VWF: variants seen among roughly 807,000 people sequenced by gnomAD.
The protein encoded by VWF is Factor VIII related antigen.
VWF carries 176 observed loss-of-function variants against 308.6 expected under a neutral mutation model. The ratio of observed to expected loss-of-function variants is 0.57; its 90% CI spans 0.50 to 0.65. VWF has a LOEUF of 0.65. VWF is among the 30% of genes least tolerant of loss of function. The probability of loss-of-function intolerance (pLI) is 0.00; values close to 1 mark genes in which losing one functional copy is unlikely to be tolerated. For missense variants in VWF, 3,146 were observed against 3,648.2 expected, an observed-to-expected ratio of 0.86 and a Z score of 3.55; for synonymous variants, 1,385 against 1,443.4, an observed-to-expected ratio of 0.96 and a Z score of 0.92.
At position 6,016,595 on chromosome 12, in the gene VWF, T is replaced by A; in HGVS notation, c.5232A>T (p.Pro1744=). Residue 1744 remains proline, a synonymous_variant, in exon 30 of 52, where the codon CCA becomes CCT. Transcript: ENST00000261405. ...GGGCTTTCTCCGGGACCACGTTCCA[T>A]GGCACGTCAATGGTGGTGATGCTTC... ...QYGSITTIDV[P]WNVVPEKAHL... is the part of the protein sequence containing the mutation. The A allele has an allele frequency of 1.2e-6, 2 of 1,614,198 alleles. No individual in the cohort carries two copies. The highest frequency in any genetic ancestry group is 8.5e-7 in the Non-Finnish European group (1 of 1,180,040).
intron 31 of VWF, among the ~76,000 whole-genome samples, chr12:6,014,121 AG>A (rs990251768): frequency 1.3e-5 from 2 of 152,002 alleles, no homozygotes; most frequent in Non-Finnish European, 2.9e-5. Context: ...TGTCTGAGGG[AG>A]GGACATCCCA....
intron 16 of VWF, among the ~76,000 whole-genome samples, chr12:6,049,944 T>C (rs1337724378): frequency 6.6e-6 from 1 of 152,210 alleles, no homozygotes; most frequent in Non-Finnish European, 1.5e-5. Flanking sequence ...CCCCAAGTTC[T>C]GACTCAGTCC....
chr12:6,019,065 G>T lies in VWF; in HGVS notation c.4353C>A (p.Asp1451Glu), dbSNP rs367638908. The change falls in exon 28 of 52, where the codon GAC (aspartate) becomes GAA (glutamate). Residue 1451 changes from aspartate to glutamate, a missense_variant. By Grantham distance (45) the Asp-to-Glu change is conservative. This residue lies in a region of VWF where 853 missense variants were observed against 1,177.8 expected (regional missense o/e 0.72). Transcript: ENST00000261405. This position sits in a 1 kb window ranked among gnomAD's most constrained non-coding sequence, Gnocchi z 5.8. ...GGTCACAGAGGTAGCTAACGATCTC[G>T]TCCCTTTGCTGCTCCAGCTCATCCA... Reference protein sequence around the residue: ...SSVDELEQQRDEIVSYLCDLA... With the variant: ...SSVDELEQQREEIVSYLCDLA... The T allele has an allele frequency of 1.9e-6, 3 of 1,613,808 alleles. No homozygotes were observed. Among genetic ancestry groups the T allele is most frequent in the Non-Finnish European group, 1.7e-6 (2 of 1,179,842 alleles).
At position 6,046,237 on chromosome 12, in the gene VWF, C is replaced by A. The variant is rs1027899591; in HGVS notation, c.2281+486G>T. On this transcript the variant is annotated intron_variant, in intron 17 of 51. Transcript: ENST00000261405. The surrounding 1 kb of genome is among the most constrained non-coding windows in gnomAD (Gnocchi z 5.0). The stretch of plus-strand genomic sequence containing the variant: ...AGACTCTCAAAAAAAAAAGACAGTG[C>A]AGCCACCGTTAGGACCTTCGAATGG... Among the ~76,000 whole-genome samples the A allele has an allele frequency of 1.3e-5, 2 of 151,990 alleles. No individual in the cohort carries two copies. Among genetic ancestry groups the A allele is most frequent in the African/African-American group, 2.4e-5 (1 of 41,382 alleles).
In VWF at chr12:6,016,086, T is replaced by C. The variant is rs775701121; in HGVS notation, c.5455+3A>G. 6 of 1,613,976 alleles carry C rather than the reference T, an allele frequency of 3.7e-6. No homozygotes were observed. The highest frequency in any genetic ancestry group is 1.3e-5 in the African/African-American group (1 of 74,930). On this transcript the variant is annotated splice_donor_region_variant and intron_variant, in intron 31 of 51. Transcript: ENST00000261405. ...AATTGAGGACTGTACACCAGATTCTTACTGTTGGACCTGGCGGCATCAGCT... is the reference window on the plus strand; with the variant it reads ...AATTGAGGACTGTACACCAGATTCTCACTGTTGGACCTGGCGGCATCAGCT...
intron 22 of VWF, among the ~76,000 whole-genome samples, chr12:6,028,309 G>A (rs1944218272): frequency 6.6e-6 from 1 of 152,198 alleles, no homozygotes; most frequent in African/African-American, 2.4e-5. Flanking sequence ...AGAATAGTCT[G>A]CAGTGTTATA....
chr12:6,047,364 A>G (rs1944456901), intron 16 of VWF, among the ~76,000 whole-genome samples: 1 of 152,204 alleles, frequency 6.6e-6, no homozygotes, highest in Admixed American at 6.5e-5. Context: ...CAAACTCAGT[A>G]TATTCAAAAC....
intron 47 of VWF, among the ~76,000 whole-genome samples, chr12:5,958,142 A>T (rs1264159402): frequency 1.3e-5 from 2 of 152,200 alleles, no homozygotes; most frequent in African/African-American, 4.8e-5. Flanking sequence ...TTGAACCAAA[A>T]GACAAAAAAG....
rs768503443 is a variant in VWF, at chr12:6,057,855, G to A, written c.1723C>T (p.Arg575Cys). The stretch of plus-strand genomic sequence containing the variant: ...TGCCCCCGGGTTCACATACTCATGC[G>A]CGGGTTGAGGGCGCAGGGATCGCTG... ...QHSDPCALNP[R>C]MTRFSEEACA... Residue 575 changes from arginine to cysteine, a missense_variant, in exon 14 of 52, where the codon CGC becomes TGC. Physicochemically the swap from Arg to Cys is radical, Grantham distance 180. Coordinates refer to ENST00000261405, the MANE Select transcript of VWF (RefSeq NM_000552.5). 1 of 1,607,080 alleles carries A rather than the reference G, an allele frequency of 6.2e-7. No individual in the cohort carries two copies. The highest frequency in any genetic ancestry group is 1.7e-5 in the Admixed American group (1 of 59,474).
chr12:5,976,171 GGCATCCTC>G lies in VWF; in HGVS notation c.7369_7376del (p.Glu2457ArgfsTer15). ...ACTGGGCCACGCGGAGGCCCATCAC[GGCATCCTC>G]CATGTCGGTGCAGGTGCACACATCG... On this transcript the variant is annotated frameshift_variant, in exon 43 of 52. Transcript: ENST00000261405. LOFTEE classifies it high-confidence loss of function. 6.2e-7 allele frequency: 1 copy of G among 1,614,056 alleles called. No homozygotes were observed. The highest frequency in any genetic ancestry group is 8.5e-7 in the Non-Finnish European group (1 of 1,180,018).
rs1944312626 is a variant in VWF, at chr12:6,034,671, A to G, written c.2685+17T>C. On this transcript the variant is annotated intron_variant, in intron 20 of 51. Coordinates refer to ENST00000261405, the MANE Select transcript of VWF (RefSeq NM_000552.5). ...TAGAAAGAAACAGCACCCTCTCCCC[A>G]TCTCCCCACCTCTCACCTGCACCAG... 1.9e-6 allele frequency: 3 copies of G among 1,613,402 alleles called. No homozygotes were observed. The highest frequency in any genetic ancestry group is 2.5e-6 in the Non-Finnish European group (3 of 1,179,746).
At chr12:5,970,711 G>T (rs1342641191) in intron 44 of VWF, among the ~76,000 whole-genome samples, 1 of 152,198 alleles carries the variant, frequency 6.6e-6, no homozygotes, top group Non-Finnish European at 1.5e-5. Flanking sequence ...CTGGGTAGGA[G>T]ATGGGAAAGG....
At chr12:5,990,573 G>C (rs1018551629) in intron 38 of VWF, among the ~76,000 whole-genome samples, 3 of 152,106 alleles carry the variant, frequency 2.0e-5, no homozygotes, top group African/African-American at 7.2e-5. Context: ...CCTCCTTGGC[G>C]ATGAAGACAT....
intron 18 of VWF, among the ~76,000 whole-genome samples, chr12:6,043,195 A>G (rs534844450): frequency 6.6e-6 from 1 of 152,356 alleles, no homozygotes; most frequent in Admixed American, 6.5e-5. Context: ...AGAATTAACA[A>G]GAGTTGGTCT....
chr12:5,990,868 T>TAAAAAAAAAAAAAAAAAAAAAAAA (rs755717764), intron 38 of VWF, among the ~76,000 whole-genome samples: 1 of 31,458 alleles, frequency 3.2e-5, no homozygotes, highest in East Asian at 8.4e-4. Context: ...CCCATAGAGC[T>TAAAAAAAAAAAAAAAAAAAAAAAA]AAAAAAAAAA....
chr12:6,061,355 C>T (rs184490549), intron 13 of VWF, among the ~76,000 whole-genome samples: 195 of 151,928 alleles, frequency 1.3e-3, no homozygotes, highest in Non-Finnish European at 2.2e-3. Flanking sequence ...GGGCAAGTTA[C>T]TCCTGCTCCA....
intron 2 of VWF, chr12:6,122,690 G>C: frequency 2.0e-6 from 1 of 509,964 alleles, no homozygotes. Flanking sequence ...CAGTGCAGTG[G>C]AAAGGGTGTT....
In VWF at chr12:6,103,522, A is replaced by G. The variant is rs974897834; in HGVS notation, c.532+6852T>C. Among the ~76,000 whole-genome samples the G allele has an allele frequency of 5.7e-5, 8 of 139,346 alleles. 1 individual carries two copies. The South Asian group carries it at 9.2e-4, about 16-fold the overall frequency. 91.4% of individuals were successfully genotyped at this position (139,346 alleles called of 152,430 possible). On this transcript the variant is annotated intron_variant, in intron 5 of 51. Transcript: ENST00000261405. The stretch of plus-strand genomic sequence containing the variant: ...CACACACGTATATATATACACACAT[A>G]TGTGTATATACACATATATGTATAC...
At chr12:6,038,261 G>C (rs1158289776) in intron 18 of VWF, among the ~76,000 whole-genome samples, 5 of 152,232 alleles carry the variant, frequency 3.3e-5, no homozygotes, top group African/African-American at 1.2e-4. Context: ...CCACCACCTA[G>C]TGGCTGCTAT....
Sources: allele counts gnomAD v4.1 joint callset (sites outside exome capture counted in the v4.1 genomes callset), GRCh38; gene constraint gnomAD v4.1.1; regional missense constraint gnomAD v4.1.1; non-coding constraint Gnocchi (gnomAD v3.1); transcripts MANE v1.5; gene names NCBI Gene and HGNC (gene_info 2026-07-23, HGNC 2026-07-21).